MAGI2: variants seen among roughly 807,000 people sequenced by gnomAD.
MAGI2 encodes membrane associated guanylate kinase, WW and PDZ domain containing 2.
MAGI2 carries 35 observed loss-of-function variants against 133.3 expected under a neutral mutation model. The ratio of observed to expected loss-of-function variants is 0.26; its 90% CI spans 0.20 to 0.35. The LOEUF is 0.35. MAGI2 is among the 10% of genes least tolerant of loss of function. MAGI2 has a pLI of 1.00. For missense variants in MAGI2, 1,636 were observed against 1,863.4 expected (o/e 0.88, Z 2.25); for synonymous variants, 729 against 710.6 (o/e 1.03, Z -0.41).
chr7:78,597,377 G>A (rs919076994), intron 3 of MAGI2, among the ~76,000 whole-genome samples: 1 of 116,558 alleles, frequency 8.6e-6, no homozygotes, highest in Non-Finnish European at 1.8e-5. Flanking sequence ...AATTCCTTGG[G>A]GGGGGGGGTC....
chr7:78,188,746 A>G (rs1019380801), intron 12 of MAGI2, among the ~76,000 whole-genome samples: 1 of 152,184 alleles, frequency 6.6e-6, no homozygotes, highest in Non-Finnish European at 1.5e-5. Context: ...ATGGCCTTTC[A>G]TGATCACCTA....
intron 20 of MAGI2, among the ~76,000 whole-genome samples, chr7:78,102,001 T>C (rs1818252616): frequency 6.6e-6 from 1 of 152,124 alleles, no homozygotes; most frequent in Non-Finnish European, 1.5e-5. Flanking sequence ...AAATGGAATA[T>C]ATATATGAAT....
At chr7:78,255,357 T>C (rs946536903) in intron 10 of MAGI2, 2 of 159,518 alleles carry the variant, frequency 1.3e-5, no homozygotes, top group African/African-American at 2.4e-5. Flanking sequence ...TGGGTAATTG[T>C]TGCTAGTGCA....
intron 1 of MAGI2, chr7:79,011,078 G>A (rs1808037512): frequency 6.6e-6 from 1 of 152,110 alleles, no homozygotes; most frequent in African/African-American, 2.4e-5. Flanking sequence ...CGAGGCAAGT[G>A]AAGCTCACAC....
At chr7:79,430,929 A>G (rs1847735498) in intron 1 of MAGI2, among the ~76,000 whole-genome samples, 1 of 152,214 alleles carries the variant, frequency 6.6e-6, no homozygotes, top group Non-Finnish European at 1.5e-5. Flanking sequence ...TGCTAACTTC[A>G]AGTATTAAAA....
intron 4 of MAGI2, among the ~76,000 whole-genome samples, chr7:78,510,534 C>G (rs987392213): frequency 6.6e-6 from 1 of 152,012 alleles, no homozygotes; most frequent in South Asian, 2.1e-4. Flanking sequence ...GGTCAATTTT[C>G]TATAATTTTT....
intron 1 of MAGI2, among the ~76,000 whole-genome samples, chr7:79,018,179 C>A (rs1270533024): frequency 6.6e-6 from 1 of 151,916 alleles, no homozygotes; most frequent in Non-Finnish European, 1.5e-5. Context: ...ACAAGGGGAA[C>A]CCCATCAGAC....
chr7:78,828,745 G>C (rs1039706340), intron 2 of MAGI2, among the ~76,000 whole-genome samples: 4 of 152,184 alleles, frequency 2.6e-5, no homozygotes, highest in Admixed American at 2.6e-4. Context: ...GTGGTGTGTA[G>C]AAACTCTCTG....
intron 2 of MAGI2, among the ~76,000 whole-genome samples, chr7:78,899,560 A>G (rs917305814): frequency 1.3e-5 from 2 of 152,190 alleles, no homozygotes; most frequent in Non-Finnish European, 1.5e-5. Context: ...ACATAAGAGT[A>G]CTTTCCTCAT....
Position 78,369,215 on chromosome 7 carries a change from T to C in MAGI2, c.1046-2A>G. Reference sequence around the variant, plus strand: ...TTTTTTCCCAGCCATATGGAAGCTCTGAAAAATAAAGAGTTCTTTCAGTAA... The same window carrying C: ...TTTTTTCCCAGCCATATGGAAGCTCCGAAAAATAAAGAGTTCTTTCAGTAA... On this transcript the variant is annotated splice_acceptor_variant, in intron 6 of 21. Transcript: ENST00000354212. LOFTEE classifies it high-confidence loss of function. The C allele has an allele frequency of 6.3e-7, 1 of 1,595,266 alleles. No individual in the cohort carries two copies. The highest frequency in any genetic ancestry group is 1.1e-5 in the South Asian group (1 of 88,326).
chr7:78,319,856 G>T (rs1562815566), intron 9 of MAGI2, among the ~76,000 whole-genome samples: 1 of 152,076 alleles, frequency 6.6e-6, no homozygotes, highest in Non-Finnish European at 1.5e-5. Context: ...TTTTTGAAAA[G>T]ATCAACAAAA....
intron 1 of MAGI2, among the ~76,000 whole-genome samples, chr7:79,273,368 G>A (rs1918939): frequency 0.61 from 92,115 of 151,834 alleles, 29,519 homozygotes; most frequent in Non-Finnish European, 0.7. Flanking sequence ...GGCTCCCCAT[G>A]TTCCAGGAAA....
chr7:79,002,266 T>G (rs1806944303), intron 2 of MAGI2, among the ~76,000 whole-genome samples: 1 of 151,920 alleles, frequency 6.6e-6, no homozygotes, highest in African/African-American at 2.4e-5. Context: ...CTACTACAGG[T>G]GCATGCCACC....
chr7:78,275,143 C>T (rs1485003331), intron 9 of MAGI2, among the ~76,000 whole-genome samples: 2 of 152,318 alleles, frequency 1.3e-5, no homozygotes, highest in South Asian at 2.1e-4. Context: ...AGTATCTGGA[C>T]TGGAGTGCAT....
In MAGI2 at chr7:79,173,325, ATT is replaced by A. The variant is rs201866960; in HGVS notation, c.302-166121_302-166120del. ...CAAATTAATTTACTATTATAATTGCATTTTTTTTTTTACTTCTGATGATAAGG... is the reference window on the plus strand; with the variant it reads ...CAAATTAATTTACTATTATAATTGCATTTTTTTTTACTTCTGATGATAAGG... On this transcript the variant is annotated intron_variant, in intron 1 of 21. Transcript: ENST00000354212. Among the ~76,000 whole-genome samples, 9 of 147,622 alleles carry A rather than the reference ATT, an allele frequency of 6.1e-5. No individual in the cohort carries two copies. The East Asian group carries it at 1.4e-3, about 23-fold the overall frequency.
intron 1 of MAGI2, among the ~76,000 whole-genome samples, chr7:79,035,009 C>T (rs1810975674): frequency 6.6e-6 from 1 of 152,106 alleles, no homozygotes; most frequent in Non-Finnish European, 1.5e-5. Context: ...CACTTGGATA[C>T]TTAAAGTTCT....
At chr7:78,592,372 G>A (rs1438161706) in intron 3 of MAGI2, among the ~76,000 whole-genome samples, 2 of 149,240 alleles carry the variant, frequency 1.3e-5, no homozygotes, top group African/African-American at 4.9e-5. Context: ...GGACCAGAGA[G>A]CAAATAGTGC....
At chr7:79,387,119 T>C (rs894093410) in intron 1 of MAGI2, among the ~76,000 whole-genome samples, 5 of 151,778 alleles carry the variant, frequency 3.3e-5, no homozygotes, top group Admixed American at 2.0e-4. Context: ...TGTGTGTGTG[T>C]GTGTGTGTGT....
At chr7:78,830,332 G>C (rs988262043) in intron 2 of MAGI2, among the ~76,000 whole-genome samples, 2 of 151,940 alleles carry the variant, frequency 1.3e-5, no homozygotes, top group Non-Finnish European at 2.9e-5. Flanking sequence ...TTATCTTTAA[G>C]AATTGTTTAT....
Sources: allele counts gnomAD v4.1 joint callset (sites outside exome capture counted in the v4.1 genomes callset), GRCh38; gene constraint gnomAD v4.1.1; transcripts MANE v1.5; gene names NCBI Gene and HGNC (gene_info 2026-07-23, HGNC 2026-07-21).